Variants in GHRHR observed in about 807,000 individuals in gnomAD.
The protein encoded by GHRHR is growth hormone releasing hormone receptor, also known as growth hormone-releasing hormone receptor.
A neutral mutation model predicts 58.3 loss-of-function variants in GHRHR; 40 were observed. That is an observed-to-expected ratio of 0.69 (90% CI 0.53 to 0.89). The LOEUF is 0.89. Among genes scored for constraint, GHRHR ranks in the 40% least tolerant of loss-of-function variants. GHRHR has a pLI of 0.00. For missense variants in GHRHR, 551 were observed against 541.3 expected, an observed-to-expected ratio of 1.02 and a Z score of -0.18; for synonymous variants, 249 against 216.6, an observed-to-expected ratio of 1.15 and a Z score of -1.31.
chr7:30,976,319 G>A (rs1364894076), intron 10 of GHRHR, 110 bp from the exon 11 acceptor site: 3 of 987,790 alleles, frequency 3.0e-6, no homozygotes, highest in African/African-American at 1.6e-5. Flanking sequence ...TCCCAAGGTG[G>A]CTGTTCCACA....
chr7:30,971,421 C>T (rs913400231), intron 5 of GHRHR, among the ~76,000 whole-genome samples: 2 of 152,134 alleles, frequency 1.3e-5, no homozygotes, highest in African/African-American at 2.4e-5. Flanking sequence ...CCTTTGCTCA[C>T]GTGGTGCTCA....
Position 30,971,895 on chromosome 7 carries a change from A to C in GHRHR, c.465-68A>C, listed in dbSNP as rs529313669. The C allele has an allele frequency of 1.1e-5, 16 of 1,454,276 alleles. No homozygotes were observed. The East Asian group carries it at 3.2e-4, about 29-fold the overall frequency. 90.1% of individuals were successfully genotyped at this position (1,454,276 alleles called of 1,614,324 possible). Reference sequence around the variant, plus strand: ...ATTCACCTCCTGCCCTGTTCAGCCCAGTTGCAGCACACCAGAATCCCCTCT... The same window carrying C: ...ATTCACCTCCTGCCCTGTTCAGCCCCGTTGCAGCACACCAGAATCCCCTCT... On this transcript the variant is annotated intron_variant, in intron 5 of 12. Transcript: ENST00000326139.
rs540740642 is a variant in GHRHR at position 30,969,076 on chromosome 7, C to G, written c.174C>G (p.Thr58=). Residue 58 remains threonine (T), a synonymous_variant, in exon 3 of 13, where the codon ACC becomes ACG. Transcript: ENST00000326139. The part of the protein sequence containing the change: ...MPNTTLGCPA[T]WDGLLCWPTA... ...CTCTCTATCCAGGCTGCCCTGCGAC[C>G]TGGGATGGGCTGCTGTGCTGGCCAA... The G allele has an allele frequency of 3.8e-6, 6 of 1,579,916 alleles. No individual in the cohort carries two copies. In the East Asian group the frequency reaches 1.4e-4, roughly 36 times the overall value.
intron 10 of GHRHR, 31 bp downstream of exon 10, chr7:30,975,899 G>A (rs1231354136): frequency 6.3e-6 from 8 of 1,260,442 alleles, no homozygotes; most frequent in Non-Finnish European, 9.3e-6. Context: ...GGGATACTGG[G>A]AAAGGGTAAC....
rs948242768 is a variant in GHRHR at position 30,968,997 on chromosome 7, C to T, written c.160+61C>T. On this transcript the variant is annotated intron_variant, in intron 2 of 12. Transcript: ENST00000326139. ...ATTCCTTTATATCCTCCAGCCTCAC[C>T]CCTCGGATTATTGGGACAGCCCTGC... 9.5e-5 allele frequency: 146 copies of T among 1,543,452 alleles called. 2 individuals carry two copies. The Admixed American group carries it at 2.4e-3, about 26-fold the overall frequency.
Position 30,971,153 on chromosome 7 carries a change from C to A in GHRHR, c.401C>A (p.Thr134Asn). The A allele has an allele frequency of 2.0e-6, 3 of 1,524,772 alleles. No homozygotes were observed. The highest frequency in any genetic ancestry group is 1.2e-5 in the South Asian group (1 of 83,700). The allele number at this position is 1,524,772 out of a possible 1,614,324, so 94.5% of individuals were successfully genotyped here. A position where few individuals can be genotyped will look rare whatever the true frequency, so the allele number is the denominator to read the frequency against. ...TTCTCCACAGTGAAGATTATCTACA[C>A]CGTGGGCCATAGCATCTCTATTGTA... ...SYFSTVKIIY[T>N]VGHSISIVAL... The change falls in exon 5 of 13, where the codon ACC becomes AAC. Residue 134 changes from threonine (T) to asparagine (N), a missense_variant. Thr to Asn is a moderately conservative substitution (Grantham distance 65, BLOSUM62 0). Coordinates refer to ENST00000326139, the MANE Select transcript of GHRHR (RefSeq NM_000823.4).
At chr7:30,976,312 C>T in intron 10 of GHRHR, 117 bp from the exon 11 acceptor site, 8 of 944,482 alleles carry the variant, frequency 8.5e-6, no homozygotes, top group Non-Finnish European at 1.4e-5. Flanking sequence ...TGGCGTTTCC[C>T]AAGGTGGCTG....
chr7:30,972,226 A>G (rs1792495375), intron 6 of GHRHR, 131 bp downstream of exon 6: 1 of 914,346 alleles, frequency 1.1e-6, no homozygotes, highest in Non-Finnish European at 1.7e-6. Flanking sequence ...CCAATTACAG[A>G]ACAGGAAAAT....
intron 3 of GHRHR, chr7:30,969,623 C>A (rs1438843856): frequency 1.6e-6 from 1 of 614,712 alleles, no homozygotes; most frequent in Non-Finnish European, 2.9e-6. Flanking sequence ...CCACTCCTCA[C>A]CCCTCAGGGG....
intron 1 of GHRHR, 98 bp from the exon 2 acceptor site, chr7:30,968,736 A>G (rs1224251234): frequency 3.8e-6 from 3 of 786,006 alleles, no homozygotes; most frequent in East Asian, 2.5e-5. Flanking sequence ...GGGCACAGAT[A>G]TGAATCAGGC....
Position 30,974,984 on chromosome 7 carries a change from G to A in GHRHR, c.826G>A (p.Asp276Asn), listed in dbSNP as rs201748357. Residue 276 changes from aspartate to asparagine, a missense_variant, in exon 9 of 13, where the codon GAC (aspartate) becomes AAC (asparagine). By Grantham distance (23) the Asp-to-Asn change is conservative. Coordinates refer to ENST00000326139, the MANE Select transcript of GHRHR (RefSeq NM_000823.4). ...CTCTCTCCCCAGGTGCTGGGACCTGGACGACACCTCCCCCTACTGGTGGAT... is the reference window on the plus strand; with the variant it reads ...CTCTCTCCCCAGGTGCTGGGACCTGAACGACACCTCCCCCTACTGGTGGAT... ...AFEDIACWDLDDTSPYWWIIK... is the reference protein window; with the variant it reads ...AFEDIACWDLNDTSPYWWIIK... The A allele has an allele frequency of 2.4e-5, 38 of 1,612,726 alleles. No individual in the cohort carries two copies. The East Asian group carries it at 7.8e-4, about 33-fold the overall frequency.
chr7:30,969,515 G>A (rs1792436721), intron 3 of GHRHR: 6 of 598,080 alleles, frequency 1.0e-5, no homozygotes, highest in African/African-American at 3.7e-5. Context: ...AGAGGGTGGG[G>A]CACTCTGCTG....
intron 9 of GHRHR, 128 bp from the exon 10 acceptor site, chr7:30,975,649 T>C: frequency 1.4e-6 from 1 of 696,572 alleles, no homozygotes; most frequent in South Asian, 1.5e-5. Flanking sequence ...TGTGCATTCA[T>C]TCACCTGCAC....
rs940201177 is a variant in GHRHR at position 30,979,468 on chromosome 7, T to C, written c.*224T>C. ...CTCTGTGTCTGCTCTCATCCATTCC[T>C]CTTACTGGGGCCTGGGGCTCTAGCC... On this transcript the variant is annotated 3_prime_UTR_variant, in exon 13 of 13. Coordinates refer to ENST00000326139, the MANE Select transcript of GHRHR (RefSeq NM_000823.4). The C allele has an allele frequency of 3.8e-6, 2 of 522,996 alleles. No individual in the cohort carries two copies. Among genetic ancestry groups the C allele is most frequent in the East Asian group, 3.7e-5 (1 of 27,244 alleles). The allele number at this position is 522,996 out of a possible 1,614,324, so 32.4% of individuals were successfully genotyped here. A position where few individuals can be genotyped will look rare whatever the true frequency, so the allele number is the denominator to read the frequency against.
rs760295623 is a variant in GHRHR at position 30,971,955 on chromosome 7, A to G, written c.465-8A>G. 1.2e-6 allele frequency: 2 copies of G among 1,612,130 alleles called. No individual in the cohort carries two copies. Among genetic ancestry groups the G allele is most frequent in the South Asian group, 2.2e-5 (2 of 90,952 alleles). ...CTTCTTGTTCCTCATTTCTCCCATT[A>G]CCCCCAGGAGGCTCCACTGCCCCCG... is the stretch of plus-strand genomic sequence containing the variant. On this transcript the variant is annotated splice_polypyrimidine_tract_variant and splice_region_variant and intron_variant, in intron 5 of 12. Transcript: ENST00000326139.
At position 30,972,036 on chromosome 7, in the gene GHRHR, T is replaced by G; in HGVS notation, c.538T>G (p.Phe180Val). The change falls in exon 6 of 13, where the codon TTC becomes GTC. Residue 180 changes from phenylalanine (F) to valine (V), a missense_variant. By Grantham distance (50) the Phe-to-Val change is conservative (BLOSUM62 -1). Transcript: ENST00000326139. ...TTFILKAGAV[F>V]LKDAALFHSD... ...TTTTATCCTCAAGGCGGGAGCTGTG[T>G]TCCTGAAGGATGCTGCCCTTTTCCA... The G allele has an allele frequency of 6.2e-7, 1 of 1,614,094 alleles. No homozygotes were observed. Among genetic ancestry groups the G allele is most frequent in the Non-Finnish European group, 8.5e-7 (1 of 1,179,998 alleles).
At chr7:30,970,387 A>G (rs1366664260) in intron 4 of GHRHR, among the ~76,000 whole-genome samples, 1 of 152,212 alleles carries the variant, frequency 6.6e-6, no homozygotes, top group African/African-American at 2.4e-5. Flanking sequence ...GGGTGATTGC[A>G]GAGAGCTCCT....
At chr7:30,970,456 C>G (rs886091815) in intron 4 of GHRHR, among the ~76,000 whole-genome samples, 2 of 152,212 alleles carry the variant, frequency 1.3e-5, no homozygotes, top group African/African-American at 4.8e-5. Context: ...CAGGCACTCC[C>G]AAACCCATCA....
At chr7:30,972,132 G>A (rs940961413) in intron 6 of GHRHR, 37 bp downstream of exon 6, 2 of 1,605,852 alleles carry the variant, frequency 1.2e-6, no homozygotes, top group Non-Finnish European at 1.7e-6. Flanking sequence ...GCAGGTGGGG[G>A]AGAGAGGAGG....
Sources: allele counts gnomAD v4.1 joint callset (sites outside exome capture counted in the v4.1 genomes callset), GRCh38; gene constraint gnomAD v4.1.1; transcripts MANE v1.5; gene names NCBI Gene and HGNC (gene_info 2026-07-23, HGNC 2026-07-21).